ECM2: variants seen among roughly 807,000 people sequenced by gnomAD.
The protein encoded by ECM2 is extracellular matrix protein 2.
ECM2 carries 57 observed loss-of-function variants against 67.5 expected under a neutral mutation model. That is an observed-to-expected ratio of 0.84 (90% CI 0.68 to 1.05). ECM2 has a LOEUF of 1.05. Among genes scored for constraint, ECM2 ranks in the 50% least tolerant of loss-of-function variants. The pLI, the probability that ECM2 is intolerant of heterozygous loss-of-function variation, is 0.00. For missense variants in ECM2, 741 were observed against 822.8 expected (o/e 0.90, Z 1.22); for synonymous variants, 258 against 294.5 (o/e 0.88, Z 1.27).
chr9:92,493,914 C>A, downstream of ECM2: 1 of 484,506 alleles, frequency 2.1e-6, no homozygotes, highest in Non-Finnish European at 3.6e-6. Context: ...CACAGTGCGT[C>A]TGCTCCACAG....
In ECM2 at chr9:92,505,524, T is replaced by C. The variant is rs1846947820; in HGVS notation, c.1464+9A>G. Reference sequence around the variant, plus strand: ...ATACATTTAAAACACTAAAAAAATATATTGTTACCTCAATAGAACCAGGAA... The same window carrying C: ...ATACATTTAAAACACTAAAAAAATACATTGTTACCTCAATAGAACCAGGAA... On this transcript the variant is annotated intron_variant, in intron 7 of 9. Transcript: ENST00000344604. 3 of 1,579,098 alleles carry C rather than the reference T, an allele frequency of 1.9e-6. No homozygotes were observed. Among genetic ancestry groups the C allele is most frequent in the African/African-American group, 1.4e-5 (1 of 72,638 alleles).
chr9:92,498,199 A>G (rs1405160321), intron 9 of ECM2, among the ~76,000 whole-genome samples: 1 of 152,230 alleles, frequency 6.6e-6, no homozygotes, highest in African/African-American at 2.4e-5. Flanking sequence ...GGAAATATGT[A>G]TATGTATGTA....
intron 8 of ECM2, among the ~76,000 whole-genome samples, chr9:92,502,252 G>T (rs1047192348): frequency 6.6e-6 from 1 of 152,158 alleles, no homozygotes; most frequent in Non-Finnish European, 1.5e-5. Flanking sequence ...ATATGATAGG[G>T]TGTCCAGTAT....
chr9:92,532,002 T>G (rs1030890033), intron 1 of ECM2, among the ~76,000 whole-genome samples: 2 of 148,662 alleles, frequency 1.3e-5, no homozygotes, highest in Non-Finnish European at 3.0e-5. Flanking sequence ...TTCTTTTTCT[T>G]TTTTTATTTA....
chr9:92,551,952 T>TGA, the ECM2 span, among the ~76,000 whole-genome samples: 1 of 113,858 alleles, frequency 8.8e-6, no homozygotes, highest in Non-Finnish European at 1.8e-5. Context: ...TATATATATA[T>TGA]GATATATATA....
At chr9:92,553,922 G>A in the ECM2 span, among the ~76,000 whole-genome samples, 1 of 152,094 alleles carries the variant, frequency 6.6e-6, no homozygotes, top group Non-Finnish European at 1.5e-5. Context: ...TTGCCTGATT[G>A]CTCTGGCTAG....
At position 92,500,713 on chromosome 9, in the gene ECM2, A is replaced by T. The variant is rs1412937241; in HGVS notation, c.1931+14T>A. 6.3e-7 allele frequency: 1 copy of T among 1,593,590 alleles called. No homozygotes were observed. Among genetic ancestry groups the T allele is most frequent in the Admixed American group, 1.7e-5 (1 of 57,440 alleles). ...CCAAAATTTAAACAGATACTTGAAAAAGCCAAAATTTACCGTATCTTGTTG... is the reference window on the plus strand; with the variant it reads ...CCAAAATTTAAACAGATACTTGAAATAGCCAAAATTTACCGTATCTTGTTG... On this transcript the variant is annotated intron_variant, in intron 9 of 9. Coordinates refer to ENST00000344604, the MANE Select transcript of ECM2 (RefSeq NM_001393.4).
At chr9:92,550,879 G>A in the ECM2 span, among the ~76,000 whole-genome samples, 11 of 152,022 alleles carry the variant, frequency 7.2e-5, no homozygotes, top group Admixed American at 2.0e-4. Context: ...TACACAGCCC[G>A]CCACACTTTT....
At chr9:92,498,649 G>C (rs1196522161) in intron 9 of ECM2, among the ~76,000 whole-genome samples, 1 of 152,044 alleles carries the variant, frequency 6.6e-6, no homozygotes, top group Non-Finnish European at 1.5e-5. Context: ...ACATATTACA[G>C]AGGAAACCAC....
At chr9:92,542,520 T>G in the ECM2 span, among the ~76,000 whole-genome samples, 2 of 144,470 alleles carry the variant, frequency 1.4e-5, no homozygotes, top group Non-Finnish European at 3.0e-5. Flanking sequence ...TTTTTTTTTT[T>G]GAGATGGAGT....
the ECM2 span, among the ~76,000 whole-genome samples, chr9:92,549,273 A>G: frequency 1.3e-5 from 2 of 152,180 alleles, no homozygotes; most frequent in African/African-American, 2.4e-5. Context: ...TAGAAAAAGA[A>G]CACACTTTCT....
upstream of ECM2, among the ~76,000 whole-genome samples, chr9:92,541,244 G>GC (rs903169842): frequency 6.6e-6 from 1 of 152,188 alleles, no homozygotes; most frequent in Non-Finnish European, 1.5e-5. Flanking sequence ...GGGTGACAGA[G>GC]CGAGACTCCA....
chr9:92,503,399 T>C (rs921386555), intron 7 of ECM2, among the ~76,000 whole-genome samples: 23 of 152,224 alleles, frequency 1.5e-4, no homozygotes, highest in Non-Finnish European at 3.1e-4. Context: ...TAGCCGAGCC[T>C]CCAGCTCCCA....
chr9:92,499,472 T>G (rs972280966), intron 9 of ECM2, among the ~76,000 whole-genome samples: 1 of 152,222 alleles, frequency 6.6e-6, no homozygotes, highest in African/African-American at 2.4e-5. Flanking sequence ...AACATTCATC[T>G]GTGAGTGAAA....
At chr9:92,530,530 T>TTC (rs1339808369) in intron 1 of ECM2, among the ~76,000 whole-genome samples, 1 of 152,236 alleles carries the variant, frequency 6.6e-6, no homozygotes, top group African/African-American at 2.4e-5. Flanking sequence ...AACCTATTTG[T>TTC]TCAAATTGTC....
chr9:92,522,473 T>C (rs1446512463), intron 2 of ECM2, 102 bp downstream of exon 2: 1 of 1,186,548 alleles, frequency 8.4e-7, no homozygotes, highest in Non-Finnish European at 1.1e-6. Flanking sequence ...GAAAATTATC[T>C]TCATGGAGAT....
chr9:92,555,489 A>T, the ECM2 span, among the ~76,000 whole-genome samples: 2 of 151,926 alleles, frequency 1.3e-5, no homozygotes, highest in African/African-American at 4.8e-5. Flanking sequence ...TCAGCCTCCC[A>T]AAGTGCTGGG....
At chr9:92,537,423 G>A (rs371298836), upstream of ECM2, among the ~76,000 whole-genome samples, 284 of 152,218 alleles carry the variant, frequency 1.9e-3, 2 homozygotes, top group Admixed American at 3.9e-3. Flanking sequence ...CACTTTGGGA[G>A]GCAGAGACAG....
chr9:92,558,279 G>A, the ECM2 span, among the ~76,000 whole-genome samples: 1 of 152,282 alleles, frequency 6.6e-6, no homozygotes, highest in South Asian at 2.1e-4. Flanking sequence ...TTCTATCAGA[G>A]GGAAGGTCTA....
Sources: gnomAD v4.1 joint callset for allele counts (sites outside exome capture counted in the v4.1 genomes callset) on GRCh38, gnomAD v4.1.1 for gene constraint, MANE v1.5 for transcripts, NCBI Gene and HGNC (gene_info 2026-07-23, HGNC 2026-07-21) for gene names.